Variants in NFE2L2 observed in about 807,000 individuals in gnomAD.
NFE2L2 encodes nuclear factor erythroid 2-related factor 2.
NFE2L2 carries 20 observed loss-of-function variants against 49.6 expected under a neutral mutation model. That is an observed-to-expected ratio of 0.40 (90% CI 0.28 to 0.59). The LOEUF is 0.59. Ranked by LOEUF, NFE2L2 falls within the 20% of genes least tolerant of loss-of-function variation. NFE2L2 has a pLI of 0.40. For missense variants in NFE2L2, 578 were observed against 714.2 expected, an observed-to-expected ratio of 0.81 and a Z score of 2.17; for synonymous variants, 244 against 256.5, an observed-to-expected ratio of 0.95 and a Z score of 0.47.
intron 1 of NFE2L2, among the ~76,000 whole-genome samples, chr2:177,239,295 A>G (rs1466593913): frequency 6.6e-6 from 1 of 152,148 alleles, no homozygotes; most frequent in African/African-American, 2.4e-5. Flanking sequence ...ATTGCTCTTC[A>G]TTAGGCTGGG....
At chr2:177,243,058 G>A (rs1346920243) in intron 1 of NFE2L2, among the ~76,000 whole-genome samples, 7 of 151,902 alleles carry the variant, frequency 4.6e-5, no homozygotes, top group Non-Finnish European at 1.0e-4. Flanking sequence ...CCCCATTTTT[G>A]AACAAGCCAT....
In NFE2L2 at chr2:177,234,050, G is replaced by A. The variant is rs772704894; in HGVS notation, c.267C>T (p.Ala89=). The change falls in exon 2 of 5, where the codon GCC becomes GCT. Residue 89 remains alanine (A), a synonymous_variant. Coordinates refer to ENST00000397062, the MANE Select transcript of NFE2L2 (RefSeq NM_006164.5). The part of the protein sequence containing the change: ...ETGEFLPIQP[A]QHIQSETSGS... ...CACTGGTTTCTGACTGGATGTGCTGGGCTGGCTGAATTGGGAGAAATTCAC... is the reference window on the plus strand; with the variant it reads ...CACTGGTTTCTGACTGGATGTGCTGAGCTGGCTGAATTGGGAGAAATTCAC... 1 of 1,614,156 alleles carries A rather than the reference G, an allele frequency of 6.2e-7. No homozygotes were observed. Among genetic ancestry groups the A allele is most frequent in the South Asian group, 1.1e-5 (1 of 91,078 alleles).
intron 1 of NFE2L2, among the ~76,000 whole-genome samples, chr2:177,237,370 T>C (rs1018832618): frequency 2.0e-5 from 3 of 152,226 alleles, no homozygotes; most frequent in Non-Finnish European, 2.9e-5. Context: ...CAGTCGACTA[T>C]ACATGGCTAT....
At chr2:177,233,661 T>C (rs1689642373) in intron 2 of NFE2L2, 1 of 502,210 alleles carries the variant, frequency 2.0e-6, no homozygotes, top group South Asian at 2.6e-5. Context: ...CTTAAAACAG[T>C]GCTTGCCACA....
At chr2:177,232,793 A>G in intron 3 of NFE2L2, 2 of 550,292 alleles carry the variant, frequency 3.6e-6, no homozygotes, top group Non-Finnish European at 6.4e-6. Flanking sequence ...CAGCTTAAGC[A>G]TTTGAAAGTA....
intron 1 of NFE2L2, among the ~76,000 whole-genome samples, chr2:177,238,975 T>A (rs1689853761): frequency 6.6e-6 from 1 of 152,232 alleles, no homozygotes; most frequent in Non-Finnish European, 1.5e-5. Context: ...TACACTCTAA[T>A]ATAAATGTTT....
chr2:177,232,408 G>C lies in NFE2L2; in HGVS notation c.578C>G (p.Ser193Cys). 1.2e-6 allele frequency: 2 copies of C among 1,613,486 alleles called. No individual in the cohort carries two copies. The highest frequency in any genetic ancestry group is 1.7e-6 in the Non-Finnish European group (2 of 1,179,724). Residue 193 changes from serine to cysteine, a missense_variant, in exon 4 of 5, where the codon TCC becomes TGC. This residue lies in a region of NFE2L2 where 368 missense variants were observed against 384.6 expected (regional missense o/e 0.96). Transcript: ENST00000397062. ...TTTAGTTACCTGTAACTCAGGAATGGATAATAGCTCCTCCCAAACTTGCTC... is the reference window on the plus strand; with the variant it reads ...TTTAGTTACCTGTAACTCAGGAATGCATAATAGCTCCTCCCAAACTTGCTC... ...DIEQVWEELL[S>C]IPELQCLNIE...
chr2:177,245,445 T>C (rs1690090466), intron 1 of NFE2L2, among the ~76,000 whole-genome samples: 1 of 152,204 alleles, frequency 6.6e-6, no homozygotes, highest in African/African-American at 2.4e-5. Flanking sequence ...TTCACCTTAA[T>C]TCTTTTTAAA....
At chr2:177,261,322 G>GTCACA (rs1337745625) in intron 1 of NFE2L2, among the ~76,000 whole-genome samples, 1 of 152,080 alleles carries the variant, frequency 6.6e-6, no homozygotes, top group Non-Finnish European at 1.5e-5. Context: ...ACCTCCCCAC[G>GTCACA]TCACATACAG....
rs1453674040 is a variant in NFE2L2 at position 177,243,011 on chromosome 2, G to T, written c.46-8740C>A. Among the ~76,000 whole-genome samples the T allele has an allele frequency of 2.6e-5, 4 of 151,256 alleles. No individual in the cohort carries two copies. In the East Asian group the frequency reaches 7.8e-4, roughly 30 times the overall value. ...CTTTGCTGAGAGAATGGCTTGGTTT[G>T]ACAAGCAAACATTAGGATAAATTTT... On this transcript the variant is annotated intron_variant, in intron 1 of 4. Coordinates refer to ENST00000397062, the MANE Select transcript of NFE2L2 (RefSeq NM_006164.5).
Position 177,231,312 on chromosome 2 carries a change from G to C in NFE2L2, c.1291C>G (p.Pro431Ala). The C allele has an allele frequency of 6.2e-7, 1 of 1,614,244 alleles. No individual in the cohort carries two copies. Among genetic ancestry groups the C allele is most frequent in the Non-Finnish European group, 8.5e-7 (1 of 1,180,048 alleles). ...QCENTPEKEL[P>A]VSPGHRKTPF... The stretch of plus-strand genomic sequence containing the variant: ...GTTTTCCGATGACCAGGACTTACAG[G>C]CAATTCTTTCTCTGGTGTGTTCTCA... The change falls in exon 5 of 5, where the codon CCT (proline) becomes GCT (alanine). Residue 431 changes from proline (P) to alanine (A), a missense_variant. Around this residue, in one of 3 missense-constraint regions of NFE2L2, gnomAD observed 368 missense variants for 384.6 expected, o/e 0.96. Transcript: ENST00000397062.
At chr2:177,244,172 G>T (rs1173544605) in intron 1 of NFE2L2, among the ~76,000 whole-genome samples, 1 of 151,710 alleles carries the variant, frequency 6.6e-6, no homozygotes, top group Non-Finnish European at 1.5e-5. Flanking sequence ...ATGGTGGCGG[G>T]TGCCTGTAGT....
chr2:177,244,445 CA>C (rs952983535), intron 1 of NFE2L2, among the ~76,000 whole-genome samples: 5 of 152,010 alleles, frequency 3.3e-5, no homozygotes, highest in Admixed American at 1.3e-4. Context: ...GCCAGGGATA[CA>C]AAGATGAGTA....
chr2:177,257,989 C>A (rs142177417), intron 1 of NFE2L2, among the ~76,000 whole-genome samples: 117 of 152,330 alleles, frequency 7.7e-4, no homozygotes, highest in African/African-American at 2.3e-3. Flanking sequence ...GCTCTCAAAC[C>A]TGACTGCTCG....
chr2:177,241,164 C>G (rs1689926323), intron 1 of NFE2L2, among the ~76,000 whole-genome samples: 1 of 152,150 alleles, frequency 6.6e-6, no homozygotes, highest in Admixed American at 6.5e-5. Flanking sequence ...AAAACTGATC[C>G]TTGATCTTTT....
In NFE2L2 at chr2:177,234,010, A is replaced by G. The variant is rs570193504; in HGVS notation, c.307T>C (p.Ser103Pro). The G allele has an allele frequency of 2.0e-5, 32 of 1,614,150 alleles. 1 individual carries two copies. In the Admixed American group the frequency reaches 5.0e-4, roughly 25 times the overall value. ...AAGAACTGAGTACTCTGTACCTGGG[A>G]GTAGTTGGCAGATCCACTGGTTTCT... ...QSETSGSANY[S>P]QVAHIPKSDA... is the part of the protein sequence containing the mutation. The change falls in exon 2 of 5, where the codon TCC becomes CCC. Residue 103 changes from serine (S) to proline (P), a missense_variant. This residue lies in a region of NFE2L2 where 93 missense variants were observed against 153.9 expected (regional missense o/e 0.60). Coordinates refer to ENST00000397062, the MANE Select transcript of NFE2L2 (RefSeq NM_006164.5).
intron 1 of NFE2L2, among the ~76,000 whole-genome samples, chr2:177,246,225 T>C (rs941670738): frequency 3.3e-5 from 5 of 152,198 alleles, no homozygotes; most frequent in Non-Finnish European, 7.4e-5. Context: ...GAGCTTAGCA[T>C]TGAAATCAGG....
At chr2:177,259,302 A>C (rs1251715510) in intron 1 of NFE2L2, among the ~76,000 whole-genome samples, 1 of 149,036 alleles carries the variant, frequency 6.7e-6, no homozygotes, top group Non-Finnish European at 1.5e-5. Flanking sequence ...ACTCTGTCTC[A>C]AAAAAAAAAG....
chr2:177,235,052 G>A (rs1298386684), intron 1 of NFE2L2, among the ~76,000 whole-genome samples: 10 of 151,986 alleles, frequency 6.6e-5, no homozygotes, highest in Admixed American at 6.6e-4. Context: ...GGGAGGCAGA[G>A]GTTGCAGTCA....
Sources: allele counts gnomAD v4.1 joint callset (sites outside exome capture counted in the v4.1 genomes callset), GRCh38; gene constraint gnomAD v4.1.1; regional missense constraint gnomAD v4.1.1; transcripts MANE v1.5; gene names NCBI Gene and HGNC (gene_info 2026-07-23, HGNC 2026-07-21).